Variants in TMEM132B observed in about 807,000 individuals in gnomAD.
TMEM132B encodes the protein transmembrane protein 132B.
In TMEM132B, 18 loss-of-function variants were observed where a neutral mutation model predicts 90.8. That is an observed-to-expected ratio of 0.20 (90% CI 0.14 to 0.29). The LOEUF is 0.29. TMEM132B is among the 10% of genes least tolerant of loss of function. TMEM132B has a pLI of 1.00. For synonymous variants in TMEM132B, 504 were observed against 523.3 expected, an observed-to-expected ratio of 0.96 and a Z score of 0.50; for missense variants, 1,096 against 1,326.8, an observed-to-expected ratio of 0.83 and a Z score of 2.70.
At chr12:125,393,346 C>T (rs951768980) in intron 2 of TMEM132B, among the ~76,000 whole-genome samples, 11 of 152,116 alleles carry the variant, frequency 7.2e-5, no homozygotes, top group Admixed American at 3.9e-4. Flanking sequence ...TTTGAGACAA[C>T]CACAATGTAT....
intron 2 of TMEM132B, among the ~76,000 whole-genome samples, chr12:125,364,874 T>G (rs1878078062): frequency 6.6e-6 from 1 of 152,082 alleles, no homozygotes; most frequent in Non-Finnish European, 1.5e-5. Flanking sequence ...CTTGCCAAAT[T>G]CACTTATCTG....
chr12:125,594,344 A>G (rs1024519012), intron 5 of TMEM132B, among the ~76,000 whole-genome samples: 2 of 152,238 alleles, frequency 1.3e-5, no homozygotes, highest in South Asian at 2.1e-4. Context: ...TCTTACAACT[A>G]ATGCTGCGAT....
At chr12:125,374,820 T>G (rs1009020326) in intron 2 of TMEM132B, among the ~76,000 whole-genome samples, 1 of 151,380 alleles carries the variant, frequency 6.6e-6, no homozygotes, top group African/African-American at 2.4e-5. Flanking sequence ...TGAGAAAGAG[T>G]GGATATTTCC....
At chr12:125,400,084 A>G (rs1879274688) in intron 2 of TMEM132B, among the ~76,000 whole-genome samples, 1 of 152,198 alleles carries the variant, frequency 6.6e-6, no homozygotes, top group Non-Finnish European at 1.5e-5. Context: ...TTGCCTACAA[A>G]TCACCTCTCC....
intron 3 of TMEM132B, among the ~76,000 whole-genome samples, chr12:125,504,357 G>T (rs1882776711): frequency 6.6e-6 from 1 of 151,942 alleles, no homozygotes; most frequent in African/African-American, 2.4e-5. Context: ...CAAGGTGTTT[G>T]TCTGTCTCTC....
At chr12:125,597,391 T>C (rs1271586130) in intron 5 of TMEM132B, among the ~76,000 whole-genome samples, 3 of 152,196 alleles carry the variant, frequency 2.0e-5, no homozygotes, top group Non-Finnish European at 4.4e-5. Flanking sequence ...GTTGTTCATC[T>C]CTTGGATAGG....
At position 125,661,729 on chromosome 12, in the gene TMEM132B, G is replaced by T. The variant is rs1206380691; in HGVS notation, c.*7019G>T. ...TAAGCAAACACCATAACTATGAAAGGCTGAGAGTGGAGAATTAAGTCATAA... is the reference window on the plus strand; with the variant it reads ...TAAGCAAACACCATAACTATGAAAGTCTGAGAGTGGAGAATTAAGTCATAA... On this transcript the variant is annotated 3_prime_UTR_variant, in exon 9 of 9. Coordinates refer to ENST00000682704, the MANE Select transcript of TMEM132B (RefSeq NM_001366854.1). 1.3e-5 allele frequency: 2 copies of T among 152,186 alleles called. No homozygotes were observed. The highest frequency in any genetic ancestry group is 4.8e-5 in the African/African-American group (2 of 41,436). The allele number at this position is 152,186 out of a possible 1,614,324, so 9.4% of individuals were successfully genotyped here.
At chr12:125,187,788 C>A (rs1957768721) in intron 1 of TMEM132B, among the ~76,000 whole-genome samples, 1 of 123,302 alleles carries the variant, frequency 8.1e-6, no homozygotes, top group Non-Finnish European at 1.6e-5. Flanking sequence ...CCACCCCATG[C>A]AAGCAGTGGA....
At chr12:125,495,911 C>A (rs1174111065) in intron 3 of TMEM132B, among the ~76,000 whole-genome samples, 1 of 152,196 alleles carries the variant, frequency 6.6e-6, no homozygotes, top group Non-Finnish European at 1.5e-5. Context: ...TATTAAGATC[C>A]TTTTAAAAAA....
intron 4 of TMEM132B, among the ~76,000 whole-genome samples, chr12:125,573,891 GA>G (rs1294689988): frequency 2.6e-5 from 4 of 152,010 alleles, no homozygotes; most frequent in Non-Finnish European, 5.9e-5. Context: ...GAATTCTTTG[GA>G]AAAAAAATTT....
intron 5 of TMEM132B, chr12:125,587,976 G>A (rs917561271): frequency 6.6e-6 from 1 of 152,240 alleles, no homozygotes; most frequent in Non-Finnish European, 1.5e-5. Flanking sequence ...GTGAGGTGGA[G>A]AGGGAGACAT....
At chr12:125,514,090 G>A (rs565215713) in intron 3 of TMEM132B, among the ~76,000 whole-genome samples, 3 of 152,254 alleles carry the variant, frequency 2.0e-5, no homozygotes, top group South Asian at 2.1e-4. Context: ...GAAGACAGAC[G>A]TGTCTTCTCT....
intron 1 of TMEM132B, among the ~76,000 whole-genome samples, chr12:125,260,922 T>TTGAG (rs1555234600): frequency 6.7e-6 from 1 of 148,152 alleles, no homozygotes; most frequent in African/African-American, 2.5e-5. Context: ...TCTCTACAGA[T>TTGAG]TGTGTGTGTG....
intron 3 of TMEM132B, among the ~76,000 whole-genome samples, chr12:125,443,495 A>G (rs1367432487): frequency 6.6e-6 from 1 of 152,148 alleles, no homozygotes; most frequent in East Asian, 1.9e-4. Context: ...TAGTCCCTCA[A>G]AGACTCTTAA....
intron 5 of TMEM132B, among the ~76,000 whole-genome samples, chr12:125,598,849 G>C (rs566924713): frequency 2.5e-4 from 38 of 152,200 alleles, no homozygotes; most frequent in Non-Finnish European, 2.6e-4. Context: ...GGGGTGTGCT[G>C]GTTCTTAGAA....
intron 1 of TMEM132B, among the ~76,000 whole-genome samples, chr12:125,229,633 G>GA (rs1251713239): frequency 1.3e-5 from 2 of 152,182 alleles, no homozygotes; most frequent in Non-Finnish European, 2.9e-5. Flanking sequence ...ACTCAGCACT[G>GA]AAAAAATCAA....
chr12:125,303,471 A>G (rs144742816), intron 1 of TMEM132B, among the ~76,000 whole-genome samples: 78 of 152,292 alleles, frequency 5.1e-4, no homozygotes, highest in African/African-American at 1.8e-3. Context: ...ATCTTTGAAT[A>G]TCTGTTTTCA....
intron 1 of TMEM132B, among the ~76,000 whole-genome samples, chr12:125,292,515 C>G (rs796322646): frequency 6.6e-6 from 1 of 152,192 alleles, no homozygotes; most frequent in African/African-American, 2.4e-5. Flanking sequence ...CTTCTGTTTG[C>G]GAGTGACAGA....
At chr12:125,214,840 A>AC (rs1873398537) in intron 1 of TMEM132B, among the ~76,000 whole-genome samples, 1 of 152,212 alleles carries the variant, frequency 6.6e-6, no homozygotes, top group Non-Finnish European at 1.5e-5. Context: ...ATGGATTTGG[A>AC]CAATGAGAGA....
Sources: gnomAD v4.1 joint callset for allele counts (sites outside exome capture counted in the v4.1 genomes callset) on GRCh38, gnomAD v4.1.1 for gene constraint, MANE v1.5 for transcripts, NCBI Gene and HGNC (gene_info 2026-07-23, HGNC 2026-07-21) for gene names.